The following DLGAP2 variants were observed in gnomAD, a reference collection of about 807,000 sequenced individuals.
DLGAP2 encodes disks large-associated protein 2.
In DLGAP2, 26 loss-of-function variants were observed where a neutral mutation model predicts 100.3. That is an observed-to-expected ratio of 0.26 (90% confidence interval 0.19 to 0.36). DLGAP2 has a LOEUF of 0.36. DLGAP2 is among the 10% of genes least tolerant of loss of function. DLGAP2 has a pLI of 1.00. For missense variants in DLGAP2, 1,858 were observed against 1,453.2 expected (o/e 1.28, Z -4.53); for synonymous variants, 886 against 630.1 (o/e 1.41, Z -6.08).
intron 2 of DLGAP2, among the ~76,000 whole-genome samples, chr8:1,046,181 G>T (rs547493616): frequency 6.6e-6 from 1 of 152,274 alleles, no homozygotes; most frequent in East Asian, 1.9e-4. Context: ...GCTAATGTGG[G>T]TTTAATCACT....
intron 2 of DLGAP2, among the ~76,000 whole-genome samples, chr8:1,058,938 G>A (rs1168130737): frequency 6.6e-6 from 1 of 152,196 alleles, no homozygotes; most frequent in African/African-American, 2.4e-5. Flanking sequence ...TTAGAAGCTT[G>A]AGGTGGAATG....
intron 2 of DLGAP2, among the ~76,000 whole-genome samples, chr8:1,056,886 T>TC (rs1354291684): frequency 1.3e-5 from 2 of 152,180 alleles, no homozygotes; most frequent in African/African-American, 4.8e-5. Flanking sequence ...AAATAGCATT[T>TC]CCCCCTTAAT....
At chr8:796,333 G>C (rs1009180269) in intron 1 of DLGAP2, among the ~76,000 whole-genome samples, 1 of 152,144 alleles carries the variant, frequency 6.6e-6, no homozygotes, top group Non-Finnish European at 1.5e-5. Flanking sequence ...ACTCGCTCCT[G>C]GGAGAATTCT....
intron 2 of DLGAP2, among the ~76,000 whole-genome samples, chr8:1,258,487 C>T (rs553792594): frequency 6.6e-5 from 10 of 151,988 alleles, no homozygotes; most frequent in Non-Finnish European, 8.8e-5. Context: ...CTATTGCATG[C>T]GGGGCTTAAA....
At chr8:1,297,501 G>T (rs530027368) in intron 3 of DLGAP2, among the ~76,000 whole-genome samples, 1 of 147,270 alleles carries the variant, frequency 6.8e-6, no homozygotes, top group Non-Finnish European at 1.5e-5. Context: ...GAGGAGAAAC[G>T]TGGCAGGCAT....
Position 1,321,969 on chromosome 8 carries a change from T to C in DLGAP2, c.106+63086T>C, listed in dbSNP as rs565264459. Among the ~76,000 whole-genome samples the C allele has an allele frequency of 3.1e-4, 47 of 152,352 alleles. No homozygotes were observed. The East Asian group carries it at 8.3e-3, about 27-fold the overall frequency. The stretch of plus-strand genomic sequence containing the variant: ...TAATTTTATGTTGTGGTTTAAAATC[T>C]AGCTTAAGCCCTGAAGCGTGCTTAA... On this transcript the variant is annotated intron_variant, in intron 3 of 14. Coordinates refer to ENST00000637795, the MANE Select transcript of DLGAP2 (RefSeq NM_001346810.2).
intron 3 of DLGAP2, among the ~76,000 whole-genome samples, chr8:1,264,783 C>G (rs1799419249): frequency 6.6e-6 from 1 of 152,168 alleles, no homozygotes; most frequent in Non-Finnish European, 1.5e-5. Flanking sequence ...CCACCCAAAT[C>G]TCATCTTGAA....
intron 9 of DLGAP2, 99 bp downstream of exon 9, chr8:1,668,777 A>T (rs1356633566): frequency 9.2e-7 from 1 of 1,085,386 alleles, no homozygotes; most frequent in African/African-American, 1.6e-5. Flanking sequence ...GGTCCTTAGC[A>T]CTGACTGTAA....
intron 2 of DLGAP2, among the ~76,000 whole-genome samples, chr8:989,944 G>T (rs1800607348): frequency 1.3e-5 from 2 of 152,070 alleles, no homozygotes; most frequent in Admixed American, 6.5e-5. Flanking sequence ...AAATGTCGCT[G>T]TTGGGTGTTG....
intron 3 of DLGAP2, among the ~76,000 whole-genome samples, chr8:1,386,200 G>A (rs142588822): frequency 6.6e-6 from 1 of 152,332 alleles, no homozygotes; most frequent in Non-Finnish European, 1.5e-5. Context: ...TCTCAAAAGA[G>A]CATAGAGAAA....
intron 2 of DLGAP2, among the ~76,000 whole-genome samples, chr8:934,865 AAG>A (rs1395700420): frequency 6.6e-6 from 1 of 152,156 alleles, no homozygotes; most frequent in South Asian, 2.1e-4. Flanking sequence ...AACAGAAGGA[AAG>A]AGTGATTTGC....
chr8:790,528 C>G (rs1821997558), intron 1 of DLGAP2, among the ~76,000 whole-genome samples: 2 of 152,148 alleles, frequency 1.3e-5, no homozygotes, highest in South Asian at 2.1e-4. Flanking sequence ...GGGAGAGAAA[C>G]CTGGAGAAAG....
At chr8:1,174,129 C>G (rs1797197671) in intron 2 of DLGAP2, among the ~76,000 whole-genome samples, 1 of 152,114 alleles carries the variant, frequency 6.6e-6, no homozygotes, top group African/African-American at 2.4e-5. Context: ...TAGGGGAGAT[C>G]TAAGTCGGGC....
intron 1 of DLGAP2, among the ~76,000 whole-genome samples, chr8:795,667 T>C (rs62485633): frequency 0.18 from 5,082 of 28,010 alleles, 73 homozygotes; most frequent in South Asian, 0.22. Flanking sequence ...TGAGAGCAGG[T>C]GTCCAGTGAG....
intron 2 of DLGAP2, among the ~76,000 whole-genome samples, chr8:1,219,991 G>T (rs1012972973): frequency 6.6e-6 from 1 of 151,628 alleles, no homozygotes; most frequent in African/African-American, 2.4e-5. Flanking sequence ...TGTTTATTTG[G>T]ATCTTCTCTC....
chr8:1,601,908 T>C (rs1796637096), intron 6 of DLGAP2, among the ~76,000 whole-genome samples: 1 of 151,906 alleles, frequency 6.6e-6, no homozygotes, highest in African/African-American at 2.4e-5. Context: ...GAGGTAGCTA[T>C]GTAGTCACTT....
At chr8:1,571,510 G>C (rs1351068513) in intron 6 of DLGAP2, among the ~76,000 whole-genome samples, 8 of 141,304 alleles carry the variant, frequency 5.7e-5, no homozygotes. Flanking sequence ...GGGTGAACTG[G>C]AGGGTTGTCT....
intron 4 of DLGAP2, among the ~76,000 whole-genome samples, chr8:1,540,274 C>G (rs2130487923): frequency 6.6e-6 from 1 of 152,350 alleles, no homozygotes; most frequent in South Asian, 2.1e-4. Flanking sequence ...GTGTTTGTCA[C>G]TGTCTGACGT....
chr8:1,084,010 A>G (rs919604416), intron 2 of DLGAP2, among the ~76,000 whole-genome samples: 1 of 152,222 alleles, frequency 6.6e-6, no homozygotes, highest in Non-Finnish European at 1.5e-5. Flanking sequence ...TAAGCTCCTG[A>G]TAGGCATATG....
Sources: gnomAD v4.1 joint callset for allele counts (sites outside exome capture counted in the v4.1 genomes callset) on GRCh38, gnomAD v4.1.1 for gene constraint, MANE v1.5 for transcripts, NCBI Gene and HGNC (gene_info 2026-07-23, HGNC 2026-07-21) for gene names.